Variants in COL5A1 observed in about 807,000 individuals in gnomAD.
The protein encoded by COL5A1 is collagen type V alpha 1 chain.
A neutral mutation model predicts 263.7 loss-of-function variants in COL5A1; 16 were observed. The ratio of observed to expected loss-of-function variants is 0.06; its 90% confidence interval spans 0.04 to 0.09. The LOEUF (loss-of-function observed/expected upper bound fraction) is 0.09, where lower values mean the gene tolerates loss of function less well. Among genes scored for constraint, COL5A1 ranks in the 10% least tolerant of loss-of-function variants. The pLI, the probability that COL5A1 is intolerant of heterozygous loss-of-function variation, is 1.00. For synonymous variants in COL5A1, 1,012 were observed against 1,004.5 expected, an observed-to-expected ratio of 1.01 and a Z score of -0.14; for missense variants, 2,036 against 2,540.5, an observed-to-expected ratio of 0.80 and a Z score of 4.27.
rs41306388 is a variant in COL5A1, at chr9:134,794,979, C to A, written c.2701-103C>A. The A allele has an allele frequency of 0.045, 59,906 of 1,338,282 alleles. 1,830 individuals carry two copies. Among genetic ancestry groups the A allele is most frequent in the African/African-American group, 0.12 (8,528 of 68,678 alleles). The allele number at this position is 1,338,282 out of a possible 1,614,324, so 82.9% of individuals were successfully genotyped here. A position where few individuals can be genotyped will look rare whatever the true frequency, so the allele number is the denominator to read the frequency against. On this transcript the variant is annotated intron_variant, in intron 32 of 65. Transcript: ENST00000371817. This position sits in a 1 kb window ranked among gnomAD's most constrained non-coding sequence, Gnocchi z 4.3. ...GCGGGGAGGCCCAGGTTCCTCCTAT[C>A]CTGCTCTGAATTCACAGTCTCTCAA...
intron 63 of COL5A1, among the ~76,000 whole-genome samples, chr9:134,828,436 CCACACACACA>C (rs59261059): frequency 6.6e-6 from 1 of 150,762 alleles, no homozygotes; most frequent in African/African-American, 2.4e-5. Context: ...GAAGGTTCTA[CCACACACACA>C]CACACACACG....
intron 18 of COL5A1, among the ~76,000 whole-genome samples, chr9:134,761,169 T>G (rs1836418710): frequency 8.2e-6 from 1 of 122,030 alleles, no homozygotes; most frequent in South Asian, 2.7e-4. Flanking sequence ...CATACACACC[T>G]ATACACACAT....
intron 20 of COL5A1, among the ~76,000 whole-genome samples, chr9:134,764,655 G>A (rs1434715681): frequency 3.9e-5 from 6 of 152,134 alleles, no homozygotes; most frequent in East Asian, 1.9e-4. Flanking sequence ...GGCTGCGTGC[G>A]TCAGGTGGTG....
At chr9:134,778,405 T>A (rs1554798116) in intron 27 of COL5A1, among the ~76,000 whole-genome samples, 1 of 152,250 alleles carries the variant, frequency 6.6e-6, no homozygotes. Context: ...GCGGCTTGGC[T>A]GGTCGTTCCC....
chr9:134,767,076 G>T, intron 23 of COL5A1, 23 bp downstream of exon 23: 1 of 1,611,582 alleles, frequency 6.2e-7, no homozygotes, highest in Admixed American at 1.7e-5. Context: ...GAGAGAGGCA[G>T]CTCGCAGGGA....
Position 134,754,382 on chromosome 9 carries a change from C to G in COL5A1, c.1827+56C>G. Reference sequence around the variant, plus strand: ...ACAGCAGCTTGGGCGCTGGAGGAGCCCAAATCTGGGGTGCGGGCACCCCCA... The same window carrying G: ...ACAGCAGCTTGGGCGCTGGAGGAGCGCAAATCTGGGGTGCGGGCACCCCCA... On this transcript the variant is annotated intron_variant, in intron 16 of 65. Coordinates refer to ENST00000371817, the MANE Select transcript of COL5A1 (RefSeq NM_000093.5). This position sits in a 1 kb window ranked among gnomAD's most constrained non-coding sequence, Gnocchi z 4.3. 4.4e-6 allele frequency: 7 copies of G among 1,606,302 alleles called. No individual in the cohort carries two copies. Among genetic ancestry groups the G allele is most frequent in the Non-Finnish European group, 6.0e-6 (7 of 1,173,484 alleles).
intron 49 of COL5A1, 133 bp from the exon 50 acceptor site, chr9:134,814,664 C>T: frequency 2.7e-6 from 2 of 736,704 alleles, no homozygotes; most frequent in South Asian, 1.6e-5. Context: ...ACCTGGCAGC[C>T]AGCCCCCTGC....
intron 64 of COL5A1, among the ~76,000 whole-genome samples, chr9:134,831,103 C>T (rs1466629522): frequency 6.6e-6 from 1 of 152,202 alleles, no homozygotes; most frequent in Admixed American, 6.5e-5. Context: ...GGTTCTGCGG[C>T]TTGTAGCCTG....
chr9:134,828,994 ACG>A (rs1839451542), intron 63 of COL5A1, among the ~76,000 whole-genome samples: 1 of 151,134 alleles, frequency 6.6e-6, no homozygotes, highest in African/African-American at 2.5e-5. Flanking sequence ...CACACCATGC[ACG>A]CGCACACACA....
chr9:134,661,760 A>G (rs1272516995), intron 1 of COL5A1, among the ~76,000 whole-genome samples: 7 of 152,226 alleles, frequency 4.6e-5, no homozygotes, highest in Non-Finnish European at 1.5e-5. Context: ...TCTGGGATCA[A>G]TCATCTCACC....
chr9:134,810,393 C>T (rs1239872860), intron 44 of COL5A1, 85 bp downstream of exon 44: 1 of 1,327,874 alleles, frequency 7.5e-7, no homozygotes, highest in African/African-American at 1.5e-5. Flanking sequence ...CATGCACGTT[C>T]TCTTCCAACG....
rs182151598 is a variant in COL5A1 at position 134,689,175 on chromosome 9, C to T, written c.110-1737C>T. Among the ~76,000 whole-genome samples, 64 of 152,316 alleles carry T rather than the reference C, an allele frequency of 4.2e-4. No homozygotes were observed. The East Asian group carries it at 8.7e-3, about 21-fold the overall frequency. ...ATTGTCTCTGGCAGCCACCTCCTCC[C>T]GTGGCAGTGCCGAGGCTGCAGGTGC... On this transcript the variant is annotated intron_variant, in intron 1 of 65. Transcript: ENST00000371817.
chr9:134,685,496 CCATCCATCCAT>C, intron 1 of COL5A1, among the ~76,000 whole-genome samples: 1 of 132,036 alleles, frequency 7.6e-6, no homozygotes, highest in Non-Finnish European at 1.6e-5. Context: ...GTCCATCCAT[CCATCCATCCAT>C]CACCATCCAT....
rs771258957 is a variant in COL5A1 at position 134,767,091 on chromosome 9, G to A, written c.2187+38G>A. 3.6e-5 allele frequency: 58 copies of A among 1,604,756 alleles called. No homozygotes were observed. In the East Asian group the frequency reaches 1.3e-3, roughly 35 times the overall value. On this transcript the variant is annotated intron_variant, in intron 23 of 65. Coordinates refer to ENST00000371817, the MANE Select transcript of COL5A1 (RefSeq NM_000093.5). ...GAGAGAGGCAGCTCGCAGGGATCCG[G>A]CCGTGGGAGGCACACGTCTCCAGTC...
At position 134,700,167 on chromosome 9, in the gene COL5A1, AT is replaced by A; in HGVS notation, c.491+46del. ...CAACTGTCCCCCTGCTGGAGGGGGG[AT>A]CAGGCCAGCTCATACCACTGACCAG... On this transcript the variant is annotated intron_variant, in intron 3 of 65. Transcript: ENST00000371817. This position sits in a 1 kb window ranked among gnomAD's most constrained non-coding sequence, Gnocchi z 4.0. The A allele has an allele frequency of 6.4e-7, 1 of 1,557,076 alleles. No homozygotes were observed. The highest frequency in any genetic ancestry group is 8.7e-7 in the Non-Finnish European group (1 of 1,145,292).
At chr9:134,823,591 G>C in intron 61 of COL5A1, 122 bp downstream of exon 61, 1 of 1,071,888 alleles carries the variant, frequency 9.3e-7, no homozygotes, top group Non-Finnish European at 1.4e-6. Flanking sequence ...TGGCATGCCC[G>C]GGCCTTGTCC....
intron 25 of COL5A1, among the ~76,000 whole-genome samples, chr9:134,769,909 T>G (rs1204229014): frequency 6.6e-6 from 1 of 152,210 alleles, no homozygotes; most frequent in Admixed American, 6.5e-5. Context: ...TCAGCTGACC[T>G]AACTTGTTCT....
At chr9:134,762,273 C>A (rs1276438848) in intron 19 of COL5A1, among the ~76,000 whole-genome samples, 1 of 152,218 alleles carries the variant, frequency 6.6e-6, no homozygotes, top group Non-Finnish European at 1.5e-5. Flanking sequence ...TGCCCCAAAC[C>A]CCACTGGGAG....
At chr9:134,815,906 C>T (rs758595752) in intron 51 of COL5A1, 29 bp from the exon 52 acceptor site, 5 of 1,613,914 alleles carry the variant, frequency 3.1e-6, no homozygotes, top group East Asian at 2.2e-5. Context: ...ATCCGGGGTT[C>T]AGCAAGGAGC....
Sources: allele counts gnomAD v4.1 joint callset (sites outside exome capture counted in the v4.1 genomes callset), GRCh38; gene constraint gnomAD v4.1.1; non-coding constraint Gnocchi (gnomAD v3.1); transcripts MANE v1.5; gene names NCBI Gene and HGNC (gene_info 2026-07-23, HGNC 2026-07-21).